Variants in SEPTIN9 observed in about 807,000 individuals in gnomAD.
The protein encoded by SEPTIN9 is septin 9, also known as septin-9.
In SEPTIN9, 13 loss-of-function variants were observed where a neutral mutation model predicts 56.6. The observed-to-expected ratio is 0.23, with a 90% CI of 0.15 to 0.37. The LOEUF (loss-of-function observed/expected upper bound fraction) is 0.37, where lower values mean the gene tolerates loss of function less well. Among genes scored for constraint, SEPTIN9 ranks in the 10% least tolerant of loss-of-function variants. SEPTIN9 has a pLI of 1.00. For missense variants in SEPTIN9, 650 were observed against 823.1 expected (o/e 0.79, Z 2.57); for synonymous variants, 332 against 334.1 (o/e 0.99, Z 0.07).
At position 77,425,513 on chromosome 17, in the gene SEPTIN9, C is replaced by T. The variant is rs2036872885; in HGVS notation, c.721+22810C>T. 6.6e-6 allele frequency among the ~76,000 whole-genome samples: 1 copy of T among 152,138 alleles called. No homozygotes were observed. ...TGGGGACGCTGCCTGGGGGGGGTTC[C>T]CTTACATGGAAGGAGCTGCAGCTGA... On this transcript the variant is annotated intron_variant, in intron 3 of 11. Coordinates refer to ENST00000427177, the MANE Select transcript of SEPTIN9 (RefSeq NM_001113491.2). This position sits in a 1 kb window ranked among gnomAD's most constrained non-coding sequence, Gnocchi z 4.2.
intron 2 of SEPTIN9, among the ~76,000 whole-genome samples, chr17:77,332,720 T>C (rs1278107792): frequency 1.3e-5 from 2 of 152,096 alleles, no homozygotes; most frequent in Admixed American, 6.5e-5. Context: ...GCAACCACAA[T>C]TGTGCTTTTT....
In SEPTIN9 at chr17:77,497,220, T is replaced by G. The variant is rs1476860055; in HGVS notation, c.1574-95T>G. 11 of 1,308,062 alleles carry G rather than the reference T, an allele frequency of 8.4e-6. No individual in the cohort carries two copies. The Admixed American group carries it at 1.7e-4, about 21-fold the overall frequency. 81.0% of individuals were successfully genotyped at this position (1,308,062 alleles called of 1,614,324 possible). A position where few individuals can be genotyped will look rare whatever the true frequency, so the allele number is the denominator to read the frequency against. On this transcript the variant is annotated intron_variant, in intron 10 of 11. Coordinates refer to ENST00000427177, the MANE Select transcript of SEPTIN9 (RefSeq NM_001113491.2). ...CATGGGGCTGCCCTCAGACTCTGCT[T>G]TTGGCACCAGCATTTCTGGGCAGGG...
intron 3 of SEPTIN9, among the ~76,000 whole-genome samples, chr17:77,409,317 C>T (rs1419433076): frequency 5.3e-5 from 8 of 152,090 alleles, no homozygotes; most frequent in Non-Finnish European, 8.8e-5. Flanking sequence ...TGGCCAGGCC[C>T]GGTGTGTCTC....
In SEPTIN9 at chr17:77,482,295, G is replaced by T; in HGVS notation, c.873G>T (p.Lys291Asn). The change falls in exon 4 of 12, where the codon AAG (lysine) becomes AAT (asparagine). Residue 291 changes from lysine (K) to asparagine (N), a missense_variant. Lys to Asn is a moderately conservative substitution (Grantham distance 94). Coordinates refer to ENST00000427177, the MANE Select transcript of SEPTIN9 (RefSeq NM_001113491.2). ...CCATCCTGGAGCAGATGCGCCGGAA[G>T]GCCATGAAGCAGGGCTTCGAGTTCA... Reference protein sequence around the residue: ...IDSILEQMRRKAMKQGFEFNI... With the variant: ...IDSILEQMRRNAMKQGFEFNI... 6.2e-7 allele frequency: 1 copy of T among 1,613,230 alleles called. No homozygotes were observed. Among genetic ancestry groups the T allele is most frequent in the Non-Finnish European group, 8.5e-7 (1 of 1,179,882 alleles).
At position 77,492,585 on chromosome 17, in the gene SEPTIN9, C is replaced by T. The variant is rs369056977; in HGVS notation, c.1381-36C>T. The T allele has an allele frequency of 3.1e-6, 5 of 1,589,784 alleles. No homozygotes were observed. In the African/African-American group the frequency reaches 6.7e-5, roughly 21 times the overall value. ...ACCAGTGGGTGGGTAGAGCTTGCCA[C>T]AGGGATGGGCCCATCTCTCTCCCTC... On this transcript the variant is annotated intron_variant, in intron 8 of 11. Transcript: ENST00000427177. This position sits in a 1 kb window ranked among gnomAD's most constrained non-coding sequence, Gnocchi z 5.4.
chr17:77,468,081 C>T (rs989759613), intron 3 of SEPTIN9, among the ~76,000 whole-genome samples: 1 of 151,858 alleles, frequency 6.6e-6, no homozygotes, highest in Admixed American at 6.6e-5. Flanking sequence ...CTGGCTAACA[C>T]GGTGAAACCC....
Position 77,295,645 on chromosome 17 carries a change from G to A in SEPTIN9, c.20-11496G>A, listed in dbSNP as rs1336875777. ...GGGCACAAGAAGTGGGAGGCACGGA[G>A]GGGGATCAGGCCAGGACCCACACAG... On this transcript the variant is annotated intron_variant, in intron 1 of 11. Transcript: ENST00000427177. 1.4e-4 allele frequency among the ~76,000 whole-genome samples: 21 copies of A among 152,152 alleles called. 1 individual carries two copies. Among genetic ancestry groups the A allele is most frequent in the Admixed American group, 1.4e-3 (21 of 15,278 alleles).
chr17:77,455,673 C>T (rs1013374376), intron 3 of SEPTIN9, among the ~76,000 whole-genome samples: 1 of 152,232 alleles, frequency 6.6e-6, no homozygotes, highest in African/African-American at 2.4e-5. Flanking sequence ...GTTGATGGTG[C>T]CGTCTCTCTC....
At chr17:77,490,522 G>A (rs533648673) in intron 7 of SEPTIN9, among the ~76,000 whole-genome samples, 8 of 152,316 alleles carry the variant, frequency 5.3e-5, no homozygotes, top group African/African-American at 1.9e-4. Context: ...GGCCCGCCTG[G>A]CCTGTGCAGT....
intron 1 of SEPTIN9, chr17:77,286,208 CCAG>C (rs1459938598): frequency 4.6e-5 from 7 of 152,348 alleles, no homozygotes; most frequent in African/African-American, 1.7e-4. Flanking sequence ...AGTCCTGGGG[CCAG>C]CCCTCTCCCT....
intron 3 of SEPTIN9, among the ~76,000 whole-genome samples, chr17:77,470,470 T>TATC (rs2038946978): frequency 6.7e-6 from 1 of 150,034 alleles, no homozygotes; most frequent in Non-Finnish European, 1.5e-5. Flanking sequence ...ACTCATCCAC[T>TATC]CACCCACCCA....
chr17:77,320,485 T>C (rs2032873591), intron 2 of SEPTIN9: 1 of 813,380 alleles, frequency 1.2e-6, no homozygotes, highest in Non-Finnish European at 2.1e-6. Flanking sequence ...TTTTTGACGG[T>C]TCCAAGCTCG....
intron 6 of SEPTIN9, 21 bp downstream of exon 6, chr17:77,488,342 G>A (rs1382984527): frequency 1.2e-6 from 2 of 1,606,188 alleles, no homozygotes; most frequent in Admixed American, 1.7e-5. Context: ...TCCAGGGGGA[G>A]GAGCACTAGC....
intron 10 of SEPTIN9, chr17:77,496,111 C>T (rs2143459137): frequency 1.3e-5 from 2 of 151,980 alleles, no homozygotes; most frequent in South Asian, 4.2e-4. Context: ...TCACCACAAC[C>T]TCCACCTCCT....
At position 77,326,091 on chromosome 17, in the gene SEPTIN9, C is replaced by T. The variant is rs1022636893; in HGVS notation, c.76+18894C>T. ...ATACAGCACCCCACACCCACCTCCC[C>T]GCCTCCTACCCCTTCTTCCAAGGGG... is the stretch of plus-strand genomic sequence containing the variant. On this transcript the variant is annotated intron_variant, in intron 2 of 11. Coordinates refer to ENST00000427177, the MANE Select transcript of SEPTIN9 (RefSeq NM_001113491.2). This position sits in a 1 kb window ranked among gnomAD's most constrained non-coding sequence, Gnocchi z 5.1. 1.1e-4 allele frequency among the ~76,000 whole-genome samples: 17 copies of T among 152,256 alleles called. No homozygotes were observed. The highest frequency in any genetic ancestry group is 3.9e-4 in the African/African-American group (16 of 41,538).
chr17:77,488,424 G>T, intron 6 of SEPTIN9, 103 bp downstream of exon 6: 1 of 1,092,064 alleles, frequency 9.2e-7, no homozygotes, highest in Non-Finnish European at 1.4e-6. Context: ...GGGGTGCAGG[G>T]CCCACCTCCT....
intron 3 of SEPTIN9, among the ~76,000 whole-genome samples, chr17:77,403,248 C>A (rs527503623): frequency 6.6e-6 from 1 of 152,304 alleles, no homozygotes; most frequent in Non-Finnish European, 1.5e-5. Flanking sequence ...TGGTCTGGTC[C>A]TCCTCCCCCA....
intron 10 of SEPTIN9, 112 bp from the exon 11 acceptor site, chr17:77,497,203 T>C: frequency 9.3e-7 from 1 of 1,078,824 alleles, no homozygotes; most frequent in Non-Finnish European, 1.4e-6. Flanking sequence ...CCCATGGGGC[T>C]GCCCTCAGAC....
At chr17:77,281,640 G>T in intron 1 of SEPTIN9, 86 bp downstream of exon 1, 1 of 1,346,386 alleles carries the variant, frequency 7.4e-7, no homozygotes, top group African/African-American at 1.5e-5. Context: ...GAGTGGCGAG[G>T]CGCCCCCGGA....
Sources: gnomAD v4.1 joint callset for allele counts (sites outside exome capture counted in the v4.1 genomes callset) on GRCh38, gnomAD v4.1.1 for gene constraint, Gnocchi (gnomAD v3.1) non-coding constraint, MANE v1.5 for transcripts, NCBI Gene and HGNC (gene_info 2026-07-23, HGNC 2026-07-21) for gene names.